RMDN2: variants seen among roughly 807,000 people sequenced by gnomAD.
The protein encoded by RMDN2 is regulator of microtubule dynamics protein 2.
A neutral mutation model predicts 52.8 loss-of-function variants in RMDN2; 61 were observed. The observed-to-expected ratio is 1.16, with a 90% CI of 0.94 to 1.43. The LOEUF (loss-of-function observed/expected upper bound fraction) is 1.43. Among genes scored for constraint, RMDN2 ranks in the 40% most tolerant of loss-of-function variants. The pLI, the probability that RMDN2 is intolerant of heterozygous loss-of-function variation, is 0.00. For missense variants in RMDN2, 592 were observed against 475.3 expected, an observed-to-expected ratio of 1.25 and a Z score of -2.28; for synonymous variants, 180 against 153.1, an observed-to-expected ratio of 1.18 and a Z score of -1.30.
intron 10 of RMDN2, among the ~76,000 whole-genome samples, chr2:38,048,982 GA>G (rs1681435494): frequency 1.3e-5 from 2 of 152,230 alleles, no homozygotes; most frequent in African/African-American, 4.8e-5. Flanking sequence ...GGTATTTGGT[GA>G]TAGGGCCATA....
intron 10 of RMDN2, among the ~76,000 whole-genome samples, chr2:38,027,707 T>A (rs1477431967): frequency 1.3e-5 from 2 of 152,236 alleles, no homozygotes; most frequent in African/African-American, 4.8e-5. Flanking sequence ...TGTGGAGAGT[T>A]AAATTATACT....
chr2:37,959,485 G>C lies in RMDN2; in HGVS notation c.453-14555G>C, dbSNP rs1471152512. Among the ~76,000 whole-genome samples the C allele has an allele frequency of 2.7e-5, 4 of 150,898 alleles. No individual in the cohort carries two copies. In the South Asian group the frequency reaches 8.3e-4, roughly 31 times the overall value. ...CTGATGGTAGTTTGTATTTCTCTGGGATCAGTGGTAATATCCCTTTTATCA... is the reference window on the plus strand; with the variant it reads ...CTGATGGTAGTTTGTATTTCTCTGGCATCAGTGGTAATATCCCTTTTATCA... On this transcript the variant is annotated intron_variant, in intron 2 of 10. Transcript: ENST00000354545.
intron 10 of RMDN2, chr2:38,032,921 A>T (rs527421170): frequency 6.6e-6 from 1 of 152,328 alleles, no homozygotes; most frequent in South Asian, 2.1e-4. Flanking sequence ...GAGGGGAGAC[A>T]TAAAAACCCC....
intron 2 of RMDN2, among the ~76,000 whole-genome samples, chr2:37,963,913 C>A (rs1670649550): frequency 6.6e-6 from 1 of 150,944 alleles, no homozygotes; most frequent in South Asian, 2.1e-4. Flanking sequence ...CGCCCCCCCA[C>A]CTCCCGGACG....
At chr2:38,052,264 C>T (rs1433668550) in intron 10 of RMDN2, among the ~76,000 whole-genome samples, 1 of 152,120 alleles carries the variant, frequency 6.6e-6, no homozygotes, top group Non-Finnish European at 1.5e-5. Context: ...TTGCATTTCT[C>T]TGATGATTAG....
upstream of RMDN2, among the ~76,000 whole-genome samples, chr2:37,924,019 G>A (rs1289227213): frequency 6.6e-6 from 1 of 152,142 alleles, no homozygotes; most frequent in Non-Finnish European, 1.5e-5. Flanking sequence ...CAAAGTGCTG[G>A]GCTTACAGTC....
At chr2:37,936,493 A>G (rs946705065) in intron 2 of RMDN2, among the ~76,000 whole-genome samples, 3 of 152,168 alleles carry the variant, frequency 2.0e-5, no homozygotes, top group African/African-American at 7.2e-5. Flanking sequence ...TGGTTAAACT[A>G]ATTTACACTC....
chr2:37,989,488 T>C, intron 5 of RMDN2, 53 bp from the exon 6 acceptor site: 14 of 1,144,826 alleles, frequency 1.2e-5, no homozygotes, highest in Non-Finnish European at 1.8e-5. Context: ...GGTGGCATTT[T>C]GTTAAAAATT....
At chr2:38,010,208 T>G (rs1049803981) in intron 10 of RMDN2, among the ~76,000 whole-genome samples, 2 of 152,170 alleles carry the variant, frequency 1.3e-5, no homozygotes, top group African/African-American at 4.8e-5. Flanking sequence ...TCCAGCTGCG[T>G]GCTGGGAGAA....
chr2:38,015,840 C>T (rs1678698220), intron 10 of RMDN2, among the ~76,000 whole-genome samples: 1 of 152,230 alleles, frequency 6.6e-6, no homozygotes, highest in African/African-American at 2.4e-5. Flanking sequence ...CAGAATTGGC[C>T]TGGGGAGGGC....
At chr2:37,931,483 T>A (rs1358406114) in intron 2 of RMDN2, among the ~76,000 whole-genome samples, 2 of 152,252 alleles carry the variant, frequency 1.3e-5, no homozygotes, top group Non-Finnish European at 2.9e-5. Flanking sequence ...AACTAGGGAC[T>A]AACCAGAGAA....
intron 6 of RMDN2, among the ~76,000 whole-genome samples, chr2:37,990,786 T>C (rs1235500446): frequency 6.6e-6 from 1 of 152,164 alleles, no homozygotes; most frequent in Non-Finnish European, 1.5e-5. Context: ...TTCCCTATTT[T>C]CCAGCTCCCT....
At chr2:37,961,601 C>T (rs1267818737) in intron 2 of RMDN2, among the ~76,000 whole-genome samples, 2 of 151,908 alleles carry the variant, frequency 1.3e-5, no homozygotes, top group Non-Finnish European at 2.9e-5. Flanking sequence ...AATCTTTTAT[C>T]AAAGTTCTTA....
In RMDN2 at chr2:38,017,571, A is replaced by G; in HGVS notation, c.*332A>G. 8.2e-7 allele frequency: 1 copy of G among 1,224,628 alleles called. No homozygotes were observed. Among genetic ancestry groups the G allele is most frequent in the Admixed American group, 2.6e-5 (1 of 38,392 alleles). 75.9% of individuals were successfully genotyped at this position (1,224,628 alleles called of 1,614,324 possible). On this transcript the variant is annotated 3_prime_UTR_variant, in exon 11 of 11. Transcript: ENST00000354545. ...ATTCTCATGAATATTTTATTGTTTC[A>G]ATGGAGACTTCGTAAGACAAAATAA...
chr2:37,993,284 A>G (rs1012103000), intron 7 of RMDN2, among the ~76,000 whole-genome samples: 2 of 152,160 alleles, frequency 1.3e-5, no homozygotes, highest in African/African-American at 2.4e-5. Flanking sequence ...CCTATAAATT[A>G]TAAGTATAGA....
At chr2:37,934,696 G>C (rs919565988) in intron 2 of RMDN2, among the ~76,000 whole-genome samples, 5 of 152,070 alleles carry the variant, frequency 3.3e-5, no homozygotes, top group Non-Finnish European at 5.9e-5. Context: ...ATCAGAGGCT[G>C]GTTGGGTCCC....
chr2:37,926,450 A>G (rs1446299), intron 1 of RMDN2, among the ~76,000 whole-genome samples: 16,255 of 152,070 alleles, frequency 0.11, 1,144 homozygotes, highest in African/African-American at 0.2. Context: ...AATAATACAC[A>G]TTAATTAAGT....
intron 5 of RMDN2, 115 bp downstream of exon 5, chr2:37,981,458 G>A (rs1160540464): frequency 2.2e-5 from 15 of 686,874 alleles, no homozygotes; most frequent in South Asian, 7.1e-5. Context: ...CACATTCACT[G>A]AAAAATATGT....
At chr2:38,031,917 C>T (rs972791897) in intron 10 of RMDN2, among the ~76,000 whole-genome samples, 7 of 152,110 alleles carry the variant, frequency 4.6e-5, no homozygotes, top group Non-Finnish European at 5.9e-5. Context: ...TAAATTGAGT[C>T]AGGTCTCAAG....
Sources: gnomAD v4.1 joint callset for allele counts (sites outside exome capture counted in the v4.1 genomes callset) on GRCh38, gnomAD v4.1.1 for gene constraint, MANE v1.5 for transcripts, NCBI Gene and HGNC (gene_info 2026-07-23, HGNC 2026-07-21) for gene names.